The following DPYD variants were observed in gnomAD, a reference collection of about 807,000 sequenced individuals.
DPYD encodes dihydropyrimidine dehydrogenase [NADP(+)].
Under a neutral mutation model 116.2 loss-of-function variants are expected in DPYD, and 109 were observed. The observed-to-expected ratio is 0.94, with a 90% confidence interval of 0.80 to 1.10. DPYD has a LOEUF of 1.10. Among genes scored for constraint, DPYD ranks in the 50% least tolerant of loss-of-function variants. The pLI is 0.00. For synonymous variants in DPYD, 440 were observed against 432.0 expected (o/e 1.02, Z -0.23); for missense variants, 1,302 against 1,254.5 (o/e 1.04, Z -0.57).
At chr1:97,814,931 A>AAAGAAG (rs1668511103) in intron 3 of DPYD, among the ~76,000 whole-genome samples, 6 of 12,748 alleles carry the variant, frequency 4.7e-4, no homozygotes, top group Non-Finnish European at 1.8e-3. Context: ...AGAAAGAGAG[A>AAAGAAG]GGAAAGAAAG....
chr1:97,740,712 G>T (rs1046672980), intron 3 of DPYD, among the ~76,000 whole-genome samples: 10 of 152,068 alleles, frequency 6.6e-5, no homozygotes, highest in Admixed American at 6.6e-5. Context: ...TCCTCTCAGA[G>T]TTCCTTCTTG....
At chr1:97,330,737 C>A (rs760779584) in intron 16 of DPYD, among the ~76,000 whole-genome samples, 2 of 152,120 alleles carry the variant, frequency 1.3e-5, no homozygotes, top group African/African-American at 2.4e-5. Flanking sequence ...TCCGTATATT[C>A]TATAACTACA....
At chr1:97,362,439 T>C (rs1400227448) in intron 16 of DPYD, among the ~76,000 whole-genome samples, 3 of 152,080 alleles carry the variant, frequency 2.0e-5, no homozygotes, top group African/African-American at 4.8e-5. Flanking sequence ...CTTCACAGAA[T>C]TGGAAAAAAC....
At chr1:97,524,351 T>G (rs1409157423) in intron 12 of DPYD, among the ~76,000 whole-genome samples, 2 of 152,230 alleles carry the variant, frequency 1.3e-5, no homozygotes, top group Non-Finnish European at 2.9e-5. Context: ...CTATTAGTCA[T>G]GCCATGGGTG....
chr1:97,779,420 T>C (rs765282201), intron 3 of DPYD, among the ~76,000 whole-genome samples: 6 of 151,940 alleles, frequency 3.9e-5, no homozygotes, highest in Non-Finnish European at 7.4e-5. Flanking sequence ...ATAAATACAC[T>C]AGTGTGTGAA....
intron 8 of DPYD, among the ~76,000 whole-genome samples, chr1:97,610,868 G>A (rs1343188114): frequency 6.6e-6 from 1 of 151,950 alleles, no homozygotes; most frequent in South Asian, 2.1e-4. Context: ...TGATACATCT[G>A]GGGAGCTTTA....
chr1:97,130,850 C>A (rs1237834727), intron 20 of DPYD, among the ~76,000 whole-genome samples: 1 of 123,342 alleles, frequency 8.1e-6, no homozygotes, highest in Non-Finnish European at 1.7e-5. Flanking sequence ...TTCCTTCCTT[C>A]CTTCCTTCCT....
rs920993013 is a variant in DPYD at position 97,740,240 on chromosome 1, T to A, written c.321+152A>T. On this transcript the variant is annotated intron_variant, in intron 4 of 22. Coordinates refer to ENST00000370192, the MANE Select transcript of DPYD (RefSeq NM_000110.4). ...AAATCACAACTTGGAAGTGCTTAAT[T>A]AATAAATGTGCCACATTTTTAAATG... The A allele has an allele frequency of 5.5e-6, 3 of 547,654 alleles. No homozygotes were observed. The African/African-American group carries it at 5.7e-5, about 10-fold the overall frequency. 33.9% of individuals were successfully genotyped at this position (547,654 alleles called of 1,614,324 possible).
intron 3 of DPYD, among the ~76,000 whole-genome samples, chr1:97,814,928 G>GGAA (rs56855431): frequency 0.38 from 41,323 of 109,972 alleles, 9,085 homozygotes; most frequent in African/African-American, 0.53. Flanking sequence ...AAAAGAAAGA[G>GGAA]AGAGGAAAGA....
In DPYD at chr1:97,498,490, CTGTGTG is replaced by C. The variant is rs10591961; in HGVS notation, c.1740+17230_1740+17235del. Among the ~76,000 whole-genome samples, 1,039 of 148,564 alleles carry C rather than the reference CTGTGTG, an allele frequency of 7.0e-3. 17 individuals are homozygous for C. Among genetic ancestry groups the C allele is most frequent in the African/African-American group, 0.024 (973 of 40,694 alleles). ...GTACTTTGCCTCTCTCTCTCTTTCT[CTGTGTG>C]TGTGTGTGTGTGTGTGTGTGTACTT... On this transcript the variant is annotated intron_variant, in intron 13 of 22. Transcript: ENST00000370192.
At chr1:97,392,022 T>A (rs1262051234) in intron 14 of DPYD, among the ~76,000 whole-genome samples, 1 of 151,982 alleles carries the variant, frequency 6.6e-6, no homozygotes, top group African/African-American at 2.4e-5. Context: ...GAAAGGGTAA[T>A]CATTTGTAAC....
At chr1:97,737,587 T>A (rs1664030857) in intron 4 of DPYD, among the ~76,000 whole-genome samples, 1 of 152,168 alleles carries the variant, frequency 6.6e-6, no homozygotes, top group South Asian at 2.1e-4. Flanking sequence ...TGATCAATAT[T>A]TTGTTTGATA....
At chr1:97,174,016 T>C (rs896611673) in intron 20 of DPYD, among the ~76,000 whole-genome samples, 1 of 151,950 alleles carries the variant, frequency 6.6e-6, no homozygotes, top group Admixed American at 6.6e-5. Context: ...GTTATAATTT[T>C]ATTATCCATT....
At chr1:97,293,301 A>G (rs1275290609) in intron 18 of DPYD, among the ~76,000 whole-genome samples, 1 of 152,196 alleles carries the variant, frequency 6.6e-6, no homozygotes, top group Non-Finnish European at 1.5e-5. Flanking sequence ...GCTTAATGGA[A>G]TAAATTAATA....
chr1:97,910,756 G>A (rs1392765521), intron 1 of DPYD, among the ~76,000 whole-genome samples: 1 of 152,010 alleles, frequency 6.6e-6, no homozygotes, highest in Non-Finnish European at 1.5e-5. Flanking sequence ...AAGGACAGAG[G>A]TTATCAGTCT....
chr1:97,512,878 C>T (rs1647909922), intron 13 of DPYD, among the ~76,000 whole-genome samples: 1 of 151,638 alleles, frequency 6.6e-6, no homozygotes, highest in East Asian at 1.9e-4. Flanking sequence ...GAAAAGCAAC[C>T]TTGTTATTTT....
intron 22 of DPYD, among the ~76,000 whole-genome samples, chr1:97,081,559 T>C (rs1347599669): frequency 6.6e-6 from 1 of 152,050 alleles, no homozygotes; most frequent in African/African-American, 2.4e-5. Context: ...TGCCAAACTC[T>C]TTAAAAAATA....
chr1:97,186,870 T>TA (rs1221653283), intron 20 of DPYD, among the ~76,000 whole-genome samples: 2 of 151,790 alleles, frequency 1.3e-5, no homozygotes, highest in Admixed American at 6.6e-5. Context: ...AAAAATAAAT[T>TA]AAAAAAATAA....
chr1:97,530,132 T>C (rs942421939), intron 12 of DPYD, among the ~76,000 whole-genome samples: 7 of 151,968 alleles, frequency 4.6e-5, no homozygotes, highest in African/African-American at 1.7e-4. Context: ...CTATCCATTC[T>C]TTCACAAACA....
Sources: gnomAD v4.1 joint callset for allele counts (sites outside exome capture counted in the v4.1 genomes callset) on GRCh38, gnomAD v4.1.1 for gene constraint, MANE v1.5 for transcripts, NCBI Gene and HGNC (gene_info 2026-07-23, HGNC 2026-07-21) for gene names.